Variants in PHYHIPL observed in about 807,000 individuals in gnomAD.
PHYHIPL encodes phytanoyl-CoA hydroxylase-interacting protein-like.
In PHYHIPL, 9 loss-of-function variants were observed where a neutral mutation model predicts 33.4. That is an observed-to-expected ratio of 0.27 (90% CI 0.16 to 0.47). The LOEUF is 0.47. PHYHIPL is among the 20% of genes least tolerant of loss of function. The pLI, the probability that PHYHIPL is intolerant of heterozygous loss-of-function variation, is 0.99. For missense variants in PHYHIPL, 365 were observed against 460.7 expected, an observed-to-expected ratio of 0.79 and a Z score of 1.90; for synonymous variants, 153 against 154.1, an observed-to-expected ratio of 0.99 and a Z score of 0.05.
At chr10:59,244,321 C>T (rs1445186413) in intron 4 of PHYHIPL, among the ~76,000 whole-genome samples, 1 of 152,012 alleles carries the variant, frequency 6.6e-6, no homozygotes, top group African/African-American at 2.4e-5. Context: ...AATCCCAGCA[C>T]TTTGGGAGGC....
At chr10:59,202,395 A>G (rs751336064) in intron 1 of PHYHIPL, among the ~76,000 whole-genome samples, 2 of 152,226 alleles carry the variant, frequency 1.3e-5, no homozygotes, top group African/African-American at 2.4e-5. Flanking sequence ...ACTTTTTTAC[A>G]TGATTAGCCA....
Position 59,246,744 on chromosome 10 carries a change from TG to T in PHYHIPL, c.*1154del. Reference sequence around the variant, plus strand: ...ATGTTTTGACTTTACAAAGTATAGATGTTGGAACATTAAGAAAAATGTATAT... The same window carrying T: ...ATGTTTTGACTTTACAAAGTATAGATTTGGAACATTAAGAAAAATGTATAT... On this transcript the variant is annotated 3_prime_UTR_variant, in exon 5 of 5. Coordinates refer to ENST00000373880, the MANE Select transcript of PHYHIPL (RefSeq NM_032439.4). The T allele has an allele frequency of 2.5e-6, 1 of 396,830 alleles. No individual in the cohort carries two copies. The allele number at this position is 396,830 out of a possible 1,614,324, so 24.6% of individuals were successfully genotyped here. A position where few individuals can be genotyped will look rare whatever the true frequency, so the allele number is the denominator to read the frequency against.
At chr10:59,206,507 G>A (rs1157771501) in intron 1 of PHYHIPL, among the ~76,000 whole-genome samples, 1 of 151,666 alleles carries the variant, frequency 6.6e-6, no homozygotes, top group Non-Finnish European at 1.5e-5. Context: ...AACTGAGTCT[G>A]TTTTTACAGT....
At chr10:59,184,525 A>T (rs1838509277) in intron 1 of PHYHIPL, among the ~76,000 whole-genome samples, 1 of 152,182 alleles carries the variant, frequency 6.6e-6, no homozygotes, top group African/African-American at 2.4e-5. Context: ...AGAGACTTGA[A>T]TAATGTTATC....
At chr10:59,177,146 C>T (rs1019218414) in intron 1 of PHYHIPL, 187 bp downstream of exon 1, 1 of 610,846 alleles carries the variant, frequency 1.6e-6, no homozygotes, top group Non-Finnish European at 2.8e-6. Context: ...AAAAGGACCC[C>T]GGGGCTCGCG....
At chr10:59,176,244 T>G (rs970597816), upstream of PHYHIPL, among the ~76,000 whole-genome samples, 21 of 152,166 alleles carry the variant, frequency 1.4e-4, no homozygotes, top group Non-Finnish European at 2.9e-5. Flanking sequence ...TTTCCAATTC[T>G]TGGTAAACAA....
intron 1 of PHYHIPL, among the ~76,000 whole-genome samples, chr10:59,227,036 A>C (rs73296182): frequency 0.02 from 3,113 of 152,314 alleles, 128 homozygotes; most frequent in African/African-American, 0.071. Flanking sequence ...GCAAAAAGTG[A>C]AATAAGATGG....
At chr10:59,207,988 G>C (rs774615510) in intron 1 of PHYHIPL, among the ~76,000 whole-genome samples, 1 of 152,112 alleles carries the variant, frequency 6.6e-6, no homozygotes, top group East Asian at 1.9e-4. Flanking sequence ...GACGGCTGTC[G>C]GCGCAGCTTT....
chr10:59,211,611 G>A (rs1178250473), intron 1 of PHYHIPL, among the ~76,000 whole-genome samples: 1 of 145,774 alleles, frequency 6.9e-6, no homozygotes. Context: ...CCTGACCTGA[G>A]GTGGTCCACC....
At chr10:59,218,386 T>A (rs1176352877) in intron 1 of PHYHIPL, among the ~76,000 whole-genome samples, 5 of 152,174 alleles carry the variant, frequency 3.3e-5, no homozygotes, top group African/African-American at 1.2e-4. Flanking sequence ...AAATAAATTT[T>A]ACTAATTTAA....
In PHYHIPL at chr10:59,237,039, A is replaced by G. The variant is rs115745357; in HGVS notation, c.478+382A>G. Among the ~76,000 whole-genome samples, 396 of 151,240 alleles carry G rather than the reference A, an allele frequency of 2.6e-3. 2 individuals are homozygous for G. The highest frequency in any genetic ancestry group is 9.0e-3 in the African/African-American group (370 of 41,252). On this transcript the variant is annotated intron_variant, in intron 3 of 4. Coordinates refer to ENST00000373880, the MANE Select transcript of PHYHIPL (RefSeq NM_032439.4). ...CTTTTTCATTTTCACCAGTACTGAA[A>G]GACAGAAACTAGGAAAATCCTTCTC... is the stretch of plus-strand genomic sequence containing the variant.
Position 59,225,524 on chromosome 10 carries a change from A to C in PHYHIPL, c.107-8780A>C, listed in dbSNP as rs1839900412. On this transcript the variant is annotated intron_variant, in intron 1 of 4. Transcript: ENST00000373880. ...AAGTGGTAAGACACTTCTCCATGGG[A>C]ATCAGCAATTCAAGGGAAGAATTCA... Among the ~76,000 whole-genome samples, 3 of 152,136 alleles carry C rather than the reference A, an allele frequency of 2.0e-5. No individual in the cohort carries two copies. In the South Asian group the frequency reaches 6.2e-4, roughly 31 times the overall value.
At chr10:59,225,969 GAAAATTTACCA>G in intron 1 of PHYHIPL, among the ~76,000 whole-genome samples, 1 of 151,820 alleles carries the variant, frequency 6.6e-6, no homozygotes, top group South Asian at 2.1e-4. Flanking sequence ...ATAGGTGGAG[GAAAATTTACCA>G]ATAAGAGTCA....
intron 1 of PHYHIPL, among the ~76,000 whole-genome samples, chr10:59,207,946 C>T (rs1461853739): frequency 6.6e-6 from 1 of 151,960 alleles, no homozygotes; most frequent in East Asian, 1.9e-4. Context: ...GTAAAACTCC[C>T]ATCTGCCTGG....
At chr10:59,206,588 A>G (rs1385080161) in intron 1 of PHYHIPL, among the ~76,000 whole-genome samples, 2 of 152,102 alleles carry the variant, frequency 1.3e-5, no homozygotes, top group Non-Finnish European at 2.9e-5. Context: ...TGGAAGTCCA[A>G]CAAACCAAGC....
intron 4 of PHYHIPL, among the ~76,000 whole-genome samples, chr10:59,243,083 A>G (rs1840465212): frequency 6.6e-6 from 1 of 152,100 alleles, no homozygotes; most frequent in South Asian, 2.1e-4. Context: ...AACCCAAAGA[A>G]ATCCATGCCA....
rs60177214 is a variant in PHYHIPL at position 59,243,128 on chromosome 10, G to GA, written c.597-1917dup. 4.6e-3 allele frequency among the ~76,000 whole-genome samples: 636 copies of GA among 137,800 alleles called. 2 individuals carry two copies. The highest frequency in any genetic ancestry group is 8.6e-3 in the African/African-American group (334 of 38,670). 90.4% of individuals were successfully genotyped at this position (137,800 alleles called of 152,430 possible). A position where few individuals can be genotyped will look rare whatever the true frequency, so the allele number is the denominator to read the frequency against. ...ACAAACTGAAAACTGCAGGCCAAAG[G>GA]AAAAAAAAAAAACATTGAAAGTGGT... On this transcript the variant is annotated intron_variant, in intron 4 of 4. Coordinates refer to ENST00000373880, the MANE Select transcript of PHYHIPL (RefSeq NM_032439.4).
At position 59,247,042 on chromosome 10, in the gene PHYHIPL, G is replaced by GAA. The variant is rs11428990; in HGVS notation, c.*1457_*1458dup. On this transcript the variant is annotated 3_prime_UTR_variant, in exon 5 of 5. Coordinates refer to ENST00000373880, the MANE Select transcript of PHYHIPL (RefSeq NM_032439.4). ...ATAATGTGTTATTTTTATAGAGAAA[G>GAA]AAAAAAATAGCAACACAATCTAGTT... The GAA allele has an allele frequency of 3.2e-5, 5 of 158,600 alleles. No homozygotes were observed. The highest frequency in any genetic ancestry group is 2.1e-4 in the South Asian group (1 of 4,870). The allele number at this position is 158,600 out of a possible 1,614,324, so 9.8% of individuals were successfully genotyped here. A position where few individuals can be genotyped will look rare whatever the true frequency, so the allele number is the denominator to read the frequency against.
chr10:59,236,449 A>G (rs1348735282), intron 2 of PHYHIPL, 34 bp from the exon 3 acceptor site: 8 of 1,378,334 alleles, frequency 5.8e-6, no homozygotes, highest in Non-Finnish European at 7.8e-6. Context: ...GTCTCCCCTC[A>G]TTTTTCTCTC....
Sources: gnomAD v4.1 joint callset for allele counts (sites outside exome capture counted in the v4.1 genomes callset) on GRCh38, gnomAD v4.1.1 for gene constraint, MANE v1.5 for transcripts, NCBI Gene and HGNC (gene_info 2026-07-23, HGNC 2026-07-21) for gene names.